The following GRIN2B variants were observed in gnomAD, a reference collection of about 807,000 sequenced individuals.
GRIN2B encodes the protein glutamate ionotropic receptor NMDA type subunit 2B.
A neutral mutation model predicts 114.5 loss-of-function variants in GRIN2B; 5 were observed. That is an observed-to-expected ratio of 0.04 (90% CI 0.02 to 0.09). GRIN2B has a LOEUF of 0.09. Among genes scored for constraint, GRIN2B ranks in the 10% least tolerant of loss-of-function variants. The pLI, the probability that GRIN2B is intolerant of heterozygous loss-of-function variation, is 1.00. For synonymous variants in GRIN2B, 787 were observed against 745.1 expected, an observed-to-expected ratio of 1.06 and a Z score of -0.92; for missense variants, 1,108 against 1,943.5, an observed-to-expected ratio of 0.57 and a Z score of 8.08.
intron 10 of GRIN2B, among the ~76,000 whole-genome samples, chr12:13,608,147 C>T (rs1381487919): frequency 2.6e-5 from 4 of 152,210 alleles, no homozygotes; most frequent in Non-Finnish European, 5.9e-5. Context: ...TCTTCCTGCT[C>T]AGCCCCAGAA....
intron 10 of GRIN2B, among the ~76,000 whole-genome samples, chr12:13,604,406 C>G (rs1949209135): frequency 1.3e-5 from 2 of 152,136 alleles, no homozygotes; most frequent in Admixed American, 6.5e-5. Context: ...CTGAAGATAA[C>G]TTTTTAAAAA....
chr12:13,946,122 T>C (rs918047671), intron 2 of GRIN2B, among the ~76,000 whole-genome samples: 4 of 152,166 alleles, frequency 2.6e-5, no homozygotes, highest in Non-Finnish European at 4.4e-5. Flanking sequence ...ATGTAAATTC[T>C]GTGTGTGGAG....
At chr12:13,936,282 C>A (rs1486885933) in intron 2 of GRIN2B, among the ~76,000 whole-genome samples, 1 of 152,128 alleles carries the variant, frequency 6.6e-6, no homozygotes, top group Non-Finnish European at 1.5e-5. Context: ...TCCAGTCCTG[C>A]CAGAGTAGAA....
intron 2 of GRIN2B, among the ~76,000 whole-genome samples, chr12:13,939,699 A>T (rs912368361): frequency 6.6e-6 from 1 of 151,720 alleles, no homozygotes; most frequent in African/African-American, 2.4e-5. Context: ...GGTGCACACC[A>T]CCATGCCCAG....
chr12:13,691,784 T>A (rs571245324), intron 4 of GRIN2B, among the ~76,000 whole-genome samples: 2 of 152,040 alleles, frequency 1.3e-5, no homozygotes, highest in African/African-American at 4.8e-5. Context: ...CTGGATAACA[T>A]CTCCATGGCA....
chr12:13,675,672 T>C, intron 5 of GRIN2B, 73 bp downstream of exon 5: 1 of 911,500 alleles, frequency 1.1e-6, no homozygotes, highest in South Asian at 1.3e-5. Flanking sequence ...AAAGGACTAC[T>C]TTCCTTCATT....
intron 5 of GRIN2B, among the ~76,000 whole-genome samples, chr12:13,645,088 C>A (rs770563904): frequency 6.6e-6 from 1 of 152,066 alleles, no homozygotes; most frequent in Admixed American, 6.6e-5. Context: ...GTACAAGAGA[C>A]CTAGCTTTCA....
chr12:13,874,503 G>A (rs1216846851), intron 2 of GRIN2B, among the ~76,000 whole-genome samples: 1 of 152,148 alleles, frequency 6.6e-6, no homozygotes, highest in East Asian at 1.9e-4. Context: ...TGTTGCAAGA[G>A]CAGACATCAA....
intron 5 of GRIN2B, among the ~76,000 whole-genome samples, chr12:13,668,527 G>A (rs565623747): frequency 6.6e-6 from 1 of 152,260 alleles, no homozygotes; most frequent in South Asian, 2.1e-4. Flanking sequence ...GAATGGTGTA[G>A]TCAAACAGGA....
chr12:13,674,948 G>A (rs1358338810), intron 5 of GRIN2B, among the ~76,000 whole-genome samples: 1 of 152,062 alleles, frequency 6.6e-6, no homozygotes, highest in African/African-American at 2.4e-5. Flanking sequence ...TCAGCAAAAT[G>A]TCTTGAGAGA....
chr12:13,605,443 A>T (rs1420068433), intron 10 of GRIN2B, among the ~76,000 whole-genome samples: 1 of 151,920 alleles, frequency 6.6e-6, no homozygotes, highest in Admixed American at 6.6e-5. Flanking sequence ...AGGATATCAG[A>T]TGCAGGAACC....
At chr12:13,714,929 G>A (rs1794417906) in intron 4 of GRIN2B, among the ~76,000 whole-genome samples, 3 of 151,848 alleles carry the variant, frequency 2.0e-5, no homozygotes, top group Admixed American at 1.3e-4. Context: ...TGGGAAATAT[G>A]TGTTTATGTA....
intron 4 of GRIN2B, among the ~76,000 whole-genome samples, chr12:13,735,321 G>T (rs1404912076): frequency 2.6e-5 from 4 of 152,166 alleles, no homozygotes; most frequent in Non-Finnish European, 5.9e-5. Flanking sequence ...AAGGTGATAG[G>T]TTTTTTATCA....
chr12:13,773,658 GA>G (rs768989995), intron 3 of GRIN2B, among the ~76,000 whole-genome samples: 1 of 152,216 alleles, frequency 6.6e-6, no homozygotes, highest in Non-Finnish European at 1.5e-5. Flanking sequence ...ATTCTGTTGA[GA>G]AAAGAGAGAC....
intron 10 of GRIN2B, among the ~76,000 whole-genome samples, chr12:13,589,797 C>T (rs1948981200): frequency 6.6e-6 from 1 of 152,116 alleles, no homozygotes; most frequent in Non-Finnish European, 1.5e-5. Flanking sequence ...GGAAGACAAG[C>T]TCTCTGGGCT....
Position 13,615,040 on chromosome 12 carries a change from T to C in GRIN2B, c.1654+74A>G, listed in dbSNP as rs1949417894. 10 of 1,334,692 alleles carry C rather than the reference T, an allele frequency of 7.5e-6. No homozygotes were observed. The highest frequency in any genetic ancestry group is 1.7e-5 in the Admixed American group (1 of 59,704). 82.7% of individuals were successfully genotyped at this position (1,334,692 alleles called of 1,614,324 possible). On this transcript the variant is annotated intron_variant, in intron 8 of 13. Coordinates refer to ENST00000609686, the MANE Select transcript of GRIN2B (RefSeq NM_000834.5). This position sits in a 1 kb window ranked among gnomAD's most constrained non-coding sequence, Gnocchi z 5.8. ...CCTTCTAGCTGGAACAGCCTGGCCA[T>C]GTGCTCCTTTTTTCCTTATTTCACT...
At chr12:13,872,846 T>C (rs2136755570) in intron 2 of GRIN2B, among the ~76,000 whole-genome samples, 1 of 152,262 alleles carries the variant, frequency 6.6e-6, no homozygotes, top group Admixed American at 6.5e-5. Flanking sequence ...GAAAACTTTA[T>C]TAAAAGATTT....
chr12:13,747,053 C>T lies in GRIN2B; in HGVS notation c.1010+6264G>A, dbSNP rs1171237001. On this transcript the variant is annotated intron_variant, in intron 4 of 13. Coordinates refer to ENST00000609686, the MANE Select transcript of GRIN2B (RefSeq NM_000834.5). ...ATGGACTATAGGAATCCATTTTGAA[C>T]TTTATCGAAATGCAAAAAGGAGGAA... is the stretch of plus-strand genomic sequence containing the variant. Among the ~76,000 whole-genome samples the T allele has an allele frequency of 3.3e-5, 5 of 152,034 alleles. No homozygotes were observed. The East Asian group carries it at 9.6e-4, about 29-fold the overall frequency.
chr12:13,928,247 G>C (rs1021756314), intron 2 of GRIN2B, among the ~76,000 whole-genome samples: 1 of 150,128 alleles, frequency 6.7e-6, no homozygotes. Flanking sequence ...AGGTTGTGAT[G>C]AGCTGAGATT....
Sources: allele counts gnomAD v4.1 joint callset (sites outside exome capture counted in the v4.1 genomes callset), GRCh38; gene constraint gnomAD v4.1.1; non-coding constraint Gnocchi (gnomAD v3.1); transcripts MANE v1.5; gene names NCBI Gene and HGNC (gene_info 2026-07-23, HGNC 2026-07-21).